The following WNT8A variants were observed in gnomAD, a reference collection of about 807,000 sequenced individuals.
The protein encoded by WNT8A is Wnt family member 8A, also known as protein Wnt-8a.
Under a neutral mutation model 20.5 loss-of-function variants are expected in WNT8A, and 14 were observed. The observed-to-expected ratio is 0.68, with a 90% CI of 0.45 to 1.07. The LOEUF (loss-of-function observed/expected upper bound fraction) is 1.07, where lower values mean the gene tolerates loss of function less well. WNT8A is among the 50% of genes least tolerant of loss of function. WNT8A has a pLI of 0.00. For synonymous variants in WNT8A, 167 were observed against 169.2 expected (o/e 0.99, Z 0.10); for missense variants, 397 against 462.9 (o/e 0.86, Z 1.31).
chr5:138,087,952 G>T, intron 3 of WNT8A, 21 bp downstream of exon 3: 1 of 1,612,546 alleles, frequency 6.2e-7, no homozygotes. Context: ...CTTTCTAATG[G>T]GGGTGGGAAG....
chr5:138,088,860 T>G, intron 3 of WNT8A, 67 bp from the exon 4 acceptor site: 1 of 1,568,800 alleles, frequency 6.4e-7, no homozygotes, highest in Non-Finnish European at 8.7e-7. Context: ...CTCTTGGGGG[T>G]GGTTTGGCGG....
At chr5:138,084,421 A>G (rs1046851805) in intron 1 of WNT8A, 77 bp from the exon 2 acceptor site, 6 of 1,550,600 alleles carry the variant, frequency 3.9e-6, no homozygotes, top group Middle Eastern at 1.8e-4. Context: ...GAGCTGGCCC[A>G]TCTGAGTCCT....
upstream of WNT8A, among the ~76,000 whole-genome samples, chr5:138,083,293 A>G (rs952925441): frequency 6.5e-3 from 988 of 152,252 alleles, 17 homozygotes; most frequent in African/African-American, 0.023. Flanking sequence ...AAAAAAAAAA[A>G]AAAAAGAGAA....
rs1750816679 is a variant in WNT8A at position 138,090,699 on chromosome 5, G to A, written c.736G>A (p.Gly246Arg). ...AATGGATAAGCGGCAGCTGAGAGCT[G>A]GGAACAGCGCCGAGGGCCACTGGGT... ...IEMDKRQLRA[G>R]NSAEGHWVPA... Residue 246 changes from glycine (G) to arginine (R), a missense_variant, in exon 5 of 5, where the codon GGG becomes AGG. Coordinates refer to ENST00000506684, the MANE Select transcript of WNT8A (RefSeq NM_001300939.2). The A allele has an allele frequency of 6.2e-7, 1 of 1,614,132 alleles. No homozygotes were observed. Among genetic ancestry groups the A allele is most frequent in the Non-Finnish European group, 8.5e-7 (1 of 1,180,048 alleles).
chr5:138,084,237 C>G lies in WNT8A; in HGVS notation c.110C>G (p.Ser37Cys), dbSNP rs771203736. Residue 37 changes from serine (S) to cysteine (C), a missense_variant, in exon 1 of 5, where the codon TCT (serine) becomes TGT (cysteine). Coordinates refer to ENST00000506684, the MANE Select transcript of WNT8A (RefSeq NM_001300939.2). ...CCCATTCACCTCTGCCTCACTTTTT[C>G]TCTTTTTGGTAGGTCAGTGAACAAT... ...LIPIHLCLTF[S>C]LFGRSVNNFL... The G allele has an allele frequency of 7.4e-6, 12 of 1,614,184 alleles. 1 individual carries two copies. In the South Asian group the frequency reaches 1.3e-4, roughly 18 times the overall value.
intron 3 of WNT8A, among the ~76,000 whole-genome samples, chr5:138,088,426 A>T (rs1185644366): frequency 3.4e-5 from 5 of 146,674 alleles, no homozygotes; most frequent in African/African-American, 1.3e-4. Context: ...GCGCGATCTC[A>T]GCTCACTGCA....
At chr5:138,089,194 G>A (rs775897123) in intron 4 of WNT8A, 125 bp downstream of exon 4, 57 of 1,364,160 alleles carry the variant, frequency 4.2e-5, no homozygotes, top group South Asian at 8.9e-5. Context: ...ATGGCTACCC[G>A]CATTCTCTGG....
upstream of WNT8A, among the ~76,000 whole-genome samples, chr5:138,083,187 A>T (rs1750552826): frequency 6.6e-6 from 1 of 151,610 alleles, no homozygotes; most frequent in African/African-American, 2.4e-5. Context: ...AGGCTGAGGT[A>T]GGAGAATCAC....
upstream of WNT8A, among the ~76,000 whole-genome samples, chr5:138,079,067 G>C (rs1002618682): frequency 1.3e-5 from 2 of 152,004 alleles, no homozygotes; most frequent in Non-Finnish European, 2.9e-5. Flanking sequence ...AAGGCGGGTA[G>C]TAAGAGGAAA....
In WNT8A at chr5:138,091,533, A is replaced by G; in HGVS notation, c.*460A>G. 7.7e-7 allele frequency: 1 copy of G among 1,302,994 alleles called. No homozygotes were observed. The highest frequency in any genetic ancestry group is 1.0e-6 in the Non-Finnish European group (1 of 993,978). The allele number at this position is 1,302,994 out of a possible 1,614,324, so 80.7% of individuals were successfully genotyped here. Reference sequence around the variant, plus strand: ...AGCCTGTGGCTACAAATCTATGCTGATAAATGAGGTAAAGACCACATATCT... The same window carrying G: ...AGCCTGTGGCTACAAATCTATGCTGGTAAATGAGGTAAAGACCACATATCT... On this transcript the variant is annotated 3_prime_UTR_variant, in exon 5 of 5. Coordinates refer to ENST00000506684, the MANE Select transcript of WNT8A (RefSeq NM_001300939.2).
chr5:138,079,342 TATA>T (rs201486150), upstream of WNT8A, among the ~76,000 whole-genome samples: 5,653 of 142,712 alleles, frequency 0.04, 126 homozygotes, highest in Middle Eastern at 0.062. Flanking sequence ...ATAATAATTA[TATA>T]ATAATTATAT....
chr5:138,087,756 T>C (rs1750717262), intron 2 of WNT8A, 50 bp from the exon 3 acceptor site: 5 of 1,596,052 alleles, frequency 3.1e-6, no homozygotes, highest in Non-Finnish European at 4.3e-6. Context: ...GCCTCTGCTT[T>C]GGGTAATCAG....
intron 2 of WNT8A, among the ~76,000 whole-genome samples, chr5:138,085,853 CAAAAAAAAAA>C (rs11377173): frequency 1.3e-4 from 10 of 74,932 alleles, no homozygotes; most frequent in African/African-American, 5.3e-4. Context: ...GACCTTGTCT[CAAAAAAAAAA>C]AAAAAAAAAA....
chr5:138,079,289 CTTATAA>C (rs933612887), upstream of WNT8A, among the ~76,000 whole-genome samples: 36 of 146,892 alleles, frequency 2.5e-4, no homozygotes, highest in African/African-American at 6.7e-4. Flanking sequence ...ATTATATAAA[CTTATAA>C]TTATATTATA....
chr5:138,084,498 G>A lies in WNT8A; in HGVS notation c.157G>A (p.Ala53Thr), dbSNP rs759031440. 1 of 1,601,270 alleles carries A rather than the reference G, an allele frequency of 6.2e-7. No homozygotes were observed. The highest frequency in any genetic ancestry group is 8.5e-7 in the Non-Finnish European group (1 of 1,173,188). Reference protein sequence around the residue: ...VNNFLITGPKAYLTYTTSVAL... With the variant: ...VNNFLITGPKTYLTYTTSVAL... ...CTCACAGCCCTTTTCCCTTTGCCAGGCCTATCTGACCTACACGACTAGTGT... is the reference window on the plus strand; with the variant it reads ...CTCACAGCCCTTTTCCCTTTGCCAGACCTATCTGACCTACACGACTAGTGT... The change falls in exon 2 of 5, where the codon GCC becomes ACC. Residue 53 changes from alanine (A) to threonine (T), a missense_variant and splice_region_variant. Transcript: ENST00000506684.
the WNT8A span, among the ~76,000 whole-genome samples, chr5:138,078,423 T>G: frequency 6.6e-6 from 1 of 152,300 alleles, no homozygotes; most frequent in African/African-American, 2.4e-5. Context: ...CTTCTGCAAC[T>G]TGCTCCTACA....
Position 138,090,628 on chromosome 5 carries a change from TG to T in WNT8A, c.668del (p.Gly223GlufsTer4). 1 of 1,614,172 alleles carries T rather than the reference TG, an allele frequency of 6.2e-7. No homozygotes were observed. Among genetic ancestry groups the T allele is most frequent in the African/African-American group, 1.3e-5 (1 of 75,046 alleles). ...CWLQLAEFREMGDYLKAKYDQ... is the reference protein window; with the variant it reads ...CWLQLAEFREXGDYLKAKYDQ... ...CTGCAGCTGGCTGAATTCCGGGAGATGGGAGACTACCTAAAGGCCAAGTATG... is the reference window on the plus strand; with the variant it reads ...CTGCAGCTGGCTGAATTCCGGGAGATGGAGACTACCTAAAGGCCAAGTATG... On this transcript the variant is annotated frameshift_variant, in exon 5 of 5. Coordinates refer to ENST00000506684, the MANE Select transcript of WNT8A (RefSeq NM_001300939.2). LOFTEE classifies it low-confidence loss of function (END_TRUNC).
At chr5:138,082,820 T>A (rs958203997), upstream of WNT8A, among the ~76,000 whole-genome samples, 2 of 151,550 alleles carry the variant, frequency 1.3e-5, no homozygotes, top group Non-Finnish European at 2.9e-5. Context: ...GAGGTTGCAG[T>A]GAGCCGAGAT....
the WNT8A span, among the ~76,000 whole-genome samples, chr5:138,077,817 C>T: frequency 6.6e-6 from 1 of 152,074 alleles, no homozygotes. Context: ...TATCCTTGGG[C>T]GATCGCTGTG....
Sources: allele counts gnomAD v4.1 joint callset (sites outside exome capture counted in the v4.1 genomes callset), GRCh38; gene constraint gnomAD v4.1.1; transcripts MANE v1.5; gene names NCBI Gene and HGNC (gene_info 2026-07-23, HGNC 2026-07-21).